The following CDHR2 variants were observed in gnomAD, a reference collection of about 807,000 sequenced individuals.
CDHR2 encodes the protein cadherin related family member 2, also known as cadherin-related family member 2.
CDHR2 carries 104 observed loss-of-function variants against 138.6 expected under a neutral mutation model. The ratio of observed to expected loss-of-function variants is 0.75; its 90% confidence interval spans 0.64 to 0.88. CDHR2 has a LOEUF of 0.88. Ranked by LOEUF, CDHR2 falls within the 40% of genes least tolerant of loss-of-function variation. CDHR2 has a pLI of 0.00. For missense variants in CDHR2, 1,624 were observed against 1,727.6 expected, an observed-to-expected ratio of 0.94 and a Z score of 1.06; for synonymous variants, 755 against 742.8, an observed-to-expected ratio of 1.02 and a Z score of -0.27.
intron 21 of CDHR2, among the ~76,000 whole-genome samples, chr5:176,588,180 G>A (rs1758713922): frequency 1.3e-5 from 2 of 150,394 alleles, no homozygotes; most frequent in Admixed American, 1.3e-4. Context: ...GGAAATCTGA[G>A]CATCGCTGTG....
chr5:176,584,399 C>G lies in CDHR2; in HGVS notation c.2129-11C>G, dbSNP rs768990575. On this transcript the variant is annotated splice_polypyrimidine_tract_variant and intron_variant, in intron 18 of 31. Coordinates refer to ENST00000261944, the MANE Select transcript of CDHR2 (RefSeq NM_017675.6). ...TCAGGAGTCCTTCTGAGCTCTGCCC[C>G]TTGTCCACAGGAGTGCTAGTGGGCG... 6.3e-7 allele frequency: 1 copy of G among 1,599,170 alleles called. No homozygotes were observed. Among genetic ancestry groups the G allele is most frequent in the Non-Finnish European group, 8.5e-7 (1 of 1,171,286 alleles).
chr5:176,589,773 CT>C (rs1235398693), intron 24 of CDHR2, among the ~76,000 whole-genome samples, 157 bp downstream of exon 24: 1 of 152,204 alleles, frequency 6.6e-6, no homozygotes, highest in Non-Finnish European at 1.5e-5. Context: ...GCACGACGTT[CT>C]TGCATGTCCC....
chr5:176,576,195 G>C lies in CDHR2; in HGVS notation c.1194+10G>C. The C allele has an allele frequency of 2.5e-6, 4 of 1,600,522 alleles. No homozygotes were observed. Among genetic ancestry groups the C allele is most frequent in the Non-Finnish European group, 3.4e-6 (4 of 1,173,300 alleles). ...CTACGACCCGGACAAGGCAGGCGTGGTGGCGTGGGTGTGGGCGGGGGTGGC... is the reference window on the plus strand; with the variant it reads ...CTACGACCCGGACAAGGCAGGCGTGCTGGCGTGGGTGTGGGCGGGGGTGGC... On this transcript the variant is annotated intron_variant, in intron 12 of 31. Coordinates refer to ENST00000261944, the MANE Select transcript of CDHR2 (RefSeq NM_017675.6). The surrounding 1 kb of genome is among the most constrained non-coding windows in gnomAD (Gnocchi z 4.5).
intron 12 of CDHR2, 78 bp from the exon 13 acceptor site, chr5:176,577,321 A>G (rs1314074687): frequency 1.3e-5 from 19 of 1,476,384 alleles, no homozygotes; most frequent in East Asian, 1.2e-4. Context: ...ATCCAGAGAT[A>G]GAAGCCTGGG....
chr5:176,551,395 T>C (rs1007512125), intron 1 of CDHR2, among the ~76,000 whole-genome samples: 1 of 152,210 alleles, frequency 6.6e-6, no homozygotes, highest in Admixed American at 6.5e-5. Context: ...CCAGGCATTT[T>C]TTGAGAGCAG....
At chr5:176,551,388 G>C (rs1343388717) in intron 1 of CDHR2, among the ~76,000 whole-genome samples, 1 of 152,184 alleles carries the variant, frequency 6.6e-6, no homozygotes, top group East Asian at 1.9e-4. Flanking sequence ...GGCTGGTCCA[G>C]GCATTTTTTG....
chr5:176,591,322 C>G lies in CDHR2; in HGVS notation c.3652C>G (p.Arg1218Gly). Residue 1218 changes from arginine to glycine, a missense_variant and splice_region_variant, in exon 29 of 32, where the codon CGA (arginine) becomes GGA (glycine). Physicochemically the swap from Arg to Gly is moderately radical, Grantham distance 125. Around this residue, in one of 3 missense-constraint regions of CDHR2, gnomAD observed 556 missense variants for 565.7 expected, o/e 0.98. Coordinates refer to ENST00000261944, the MANE Select transcript of CDHR2 (RefSeq NM_017675.6). ...AGGGACTAACATGTACAACACTGAG[C>G]GGTGAGCAGGGGTCAAAGGGTAGGT... ...IPGTNMYNTE[R>G]ANPMLNLPNK... 6.2e-7 allele frequency: 1 copy of G among 1,612,372 alleles called. No individual in the cohort carries two copies. The highest frequency in any genetic ancestry group is 1.1e-5 in the South Asian group (1 of 91,044).
In CDHR2 at chr5:176,595,519, C is replaced by T; in HGVS notation, c.3793-13C>T. On this transcript the variant is annotated splice_polypyrimidine_tract_variant and intron_variant, in intron 31 of 31. Transcript: ENST00000261944. ...TGCCTTGCCCTTCACACCTCCTCTC[C>T]CTCTCCCTGCAGGAGCACAGGCCAC... 11 of 1,584,364 alleles carry T rather than the reference C, an allele frequency of 6.9e-6. No homozygotes were observed. The highest frequency in any genetic ancestry group is 2.7e-5 in the African/African-American group (2 of 73,988).
chr5:176,561,420 C>T (rs1027844525), intron 1 of CDHR2, among the ~76,000 whole-genome samples: 1 of 152,190 alleles, frequency 6.6e-6, no homozygotes, highest in Admixed American at 6.5e-5. Flanking sequence ...GGGCTCAGCC[C>T]TGTGCTTGGT....
At chr5:176,563,809 T>C (rs1758023282) in intron 1 of CDHR2, among the ~76,000 whole-genome samples, 1 of 152,220 alleles carries the variant, frequency 6.6e-6, no homozygotes, top group African/African-American at 2.4e-5. Context: ...CATAGGATTT[T>C]ATTTTTAGTT....
At chr5:176,566,534 C>T (rs138564526) in intron 3 of CDHR2, among the ~76,000 whole-genome samples, 3 of 152,294 alleles carry the variant, frequency 2.0e-5, no homozygotes, top group South Asian at 2.1e-4. Context: ...CCCTCGTGGC[C>T]GCCCAGGAGC....
Position 176,590,699 on chromosome 5 carries a change from A to T in CDHR2, c.3539+12A>T. On this transcript the variant is annotated intron_variant, in intron 28 of 31. Coordinates refer to ENST00000261944, the MANE Select transcript of CDHR2 (RefSeq NM_017675.6). ...TGTGTGCGGAAGAGGTGCGGCTCCCATTGCCCCCGTGTCTCCAACCTTCAC... is the reference window on the plus strand; with the variant it reads ...TGTGTGCGGAAGAGGTGCGGCTCCCTTTGCCCCCGTGTCTCCAACCTTCAC... 1 of 1,612,494 alleles carries T rather than the reference A, an allele frequency of 6.2e-7. No homozygotes were observed. The highest frequency in any genetic ancestry group is 8.5e-7 in the Non-Finnish European group (1 of 1,179,984).
At chr5:176,545,823 C>T (rs1037036365), upstream of CDHR2, among the ~76,000 whole-genome samples, 3 of 152,236 alleles carry the variant, frequency 2.0e-5, no homozygotes, top group Non-Finnish European at 2.9e-5. Context: ...ATCGTCATAG[C>T]CCAGATCCCT....
chr5:176,595,368 C>G (rs532059686), intron 31 of CDHR2, among the ~76,000 whole-genome samples, 164 bp from the exon 32 acceptor site: 1 of 152,302 alleles, frequency 6.6e-6, no homozygotes, highest in East Asian at 1.9e-4. Flanking sequence ...TAGCCAGGGC[C>G]ACCTCTGGGA....
At chr5:176,546,981 CTT>C (rs10719326), upstream of CDHR2, among the ~76,000 whole-genome samples, 419 of 136,226 alleles carry the variant, frequency 3.1e-3, no homozygotes, top group Admixed American at 3.9e-3. Flanking sequence ...TCTTTTTGGT[CTT>C]TTTTTTTTTT....
chr5:176,590,564 G>T lies in CDHR2; in HGVS notation c.3416G>T (p.Gly1139Val). 6.2e-7 allele frequency: 1 copy of T among 1,614,036 alleles called. No individual in the cohort carries two copies. The highest frequency in any genetic ancestry group is 8.5e-7 in the Non-Finnish European group (1 of 1,180,002). The change falls in exon 28 of 32, where the codon GGC becomes GTC. Residue 1139 changes from glycine (G) to valine (V), a missense_variant and splice_region_variant. This residue lies in a region of CDHR2 where 556 missense variants were observed against 565.7 expected (regional missense o/e 0.98). Coordinates refer to ENST00000261944, the MANE Select transcript of CDHR2 (RefSeq NM_017675.6). ...TCCCTCACACTCATCTTTCTCCAGGGCTCCCAGGAGAGCCAGGAGTCAGAC... is the reference window on the plus strand; with the variant it reads ...TCCCTCACACTCATCTTTCTCCAGGTCTCCCAGGAGAGCCAGGAGTCAGAC... ...QLLQLGLVVL[G>V]SQESQESDLS...
At chr5:176,592,166 TG>T (rs1446894618) in intron 30 of CDHR2, among the ~76,000 whole-genome samples, 1 of 146,778 alleles carries the variant, frequency 6.8e-6, no homozygotes, top group African/African-American at 2.6e-5. Context: ...ATGATGATGG[TG>T]GTGGTGGTGT....
chr5:176,570,447 G>A (rs1180052056), intron 5 of CDHR2, among the ~76,000 whole-genome samples: 1 of 152,202 alleles, frequency 6.6e-6, no homozygotes, highest in Non-Finnish European at 1.5e-5. Context: ...CTGGACTCAA[G>A]CAATCCTCTT....
At chr5:176,595,869 T>G (rs1174370279), downstream of CDHR2, 13 of 497,732 alleles carry the variant, frequency 2.6e-5, no homozygotes, top group Non-Finnish European at 4.1e-5. Flanking sequence ...GCTGGAGGGG[T>G]GGGGACGGGA....
Sources: allele counts gnomAD v4.1 joint callset (sites outside exome capture counted in the v4.1 genomes callset), GRCh38; gene constraint gnomAD v4.1.1; regional missense constraint gnomAD v4.1.1; non-coding constraint Gnocchi (gnomAD v3.1); transcripts MANE v1.5; gene names NCBI Gene and HGNC (gene_info 2026-07-23, HGNC 2026-07-21).